WASF3: variants seen among roughly 807,000 people sequenced by gnomAD.
WASF3 encodes WASP family member 3.
Under a neutral mutation model 46.6 loss-of-function variants are expected in WASF3, and 11 were observed. The ratio of observed to expected loss-of-function variants is 0.24; its 90% CI spans 0.15 to 0.39. The LOEUF (loss-of-function observed/expected upper bound fraction) is 0.39, where lower values mean the gene tolerates loss of function less well. WASF3 is among the 10% of genes least tolerant of loss of function. The pLI, the probability that WASF3 is intolerant of heterozygous loss-of-function variation, is 1.00. For missense variants in WASF3, 576 were observed against 669.8 expected (o/e 0.86, Z 1.55); for synonymous variants, 242 against 259.7 (o/e 0.93, Z 0.65).
Position 26,684,274 on chromosome 13 carries a change from C to CT in WASF3, c.1351+1312dup, listed in dbSNP as rs1268119748. Among the ~76,000 whole-genome samples the CT allele has an allele frequency of 1.5e-3, 217 of 143,944 alleles. 1 individual carries two copies. The highest frequency in any genetic ancestry group is 3.4e-3 in the African/African-American group (133 of 39,456). 94.4% of individuals were successfully genotyped at this position (143,944 alleles called of 152,430 possible). A position where few individuals can be genotyped will look rare whatever the true frequency, so the allele number is the denominator to read the frequency against. On this transcript the variant is annotated intron_variant, in intron 9 of 9. Transcript: ENST00000335327. ...CATTGTAGGACGGTGTTGGATTTGC[C>CT]TTTTTTTTTTTTAACACCTTATAAG...
rs191286054 is a variant in WASF3 at position 26,608,280 on chromosome 13, C to T, written c.-108-4681C>T. ...GGAAGAGAAAGAAAATATTATCTTA[C>T]GATTCTTGTATTTAGATCTGTGGTA... On this transcript the variant is annotated intron_variant, in intron 1 of 9. Coordinates refer to ENST00000335327, the MANE Select transcript of WASF3 (RefSeq NM_006646.6). Among the ~76,000 whole-genome samples, 274 of 152,154 alleles carry T rather than the reference C, an allele frequency of 1.8e-3. 3 individuals carry two copies. The highest frequency in any genetic ancestry group is 6.4e-3 in the African/African-American group (267 of 41,510).
intron 1 of WASF3, among the ~76,000 whole-genome samples, chr13:26,566,027 T>C (rs1879454775): frequency 6.6e-6 from 1 of 152,228 alleles, no homozygotes; most frequent in African/African-American, 2.4e-5. Flanking sequence ...TGCGTTACAT[T>C]AAGCTATAAT....
At chr13:26,571,914 G>T (rs1445694056) in intron 1 of WASF3, among the ~76,000 whole-genome samples, 1 of 152,130 alleles carries the variant, frequency 6.6e-6, no homozygotes, top group Non-Finnish European at 1.5e-5. Context: ...TCTTTGTATA[G>T]GTTTTGAACA....
chr13:26,613,976 C>T (rs1263379596), intron 2 of WASF3, among the ~76,000 whole-genome samples: 1 of 152,174 alleles, frequency 6.6e-6, no homozygotes, highest in East Asian at 1.9e-4. Context: ...CTTTGAGCTT[C>T]ACTTTCCTCA....
At chr13:26,672,217 C>T (rs775140720) in intron 6 of WASF3, among the ~76,000 whole-genome samples, 1 of 152,158 alleles carries the variant, frequency 6.6e-6, no homozygotes, top group Non-Finnish European at 1.5e-5. Context: ...AAAAGTAGTT[C>T]CTAAACTTTG....
intron 1 of WASF3, among the ~76,000 whole-genome samples, chr13:26,567,040 G>T (rs749525374): frequency 6.6e-6 from 1 of 152,232 alleles, no homozygotes; most frequent in Admixed American, 6.5e-5. Flanking sequence ...GATGTGCTCA[G>T]TGGCATTCAT....
At chr13:26,584,611 G>A (rs565839) in intron 1 of WASF3, among the ~76,000 whole-genome samples, 2 of 152,156 alleles carry the variant, frequency 1.3e-5, no homozygotes, top group Non-Finnish European at 2.9e-5. Flanking sequence ...TTGTAATTAC[G>A]AGGTAAAAGA....
intron 1 of WASF3, among the ~76,000 whole-genome samples, chr13:26,562,585 T>A (rs1225015811): frequency 6.6e-6 from 1 of 152,126 alleles, no homozygotes; most frequent in Admixed American, 6.5e-5. Context: ...GTTTAAATGC[T>A]GGTAAAGAAC....
chr13:26,604,170 C>T (rs17448629), intron 1 of WASF3, among the ~76,000 whole-genome samples: 7,717 of 152,272 alleles, frequency 0.051, 262 homozygotes, highest in South Asian at 0.1. Context: ...TTCCATTAGA[C>T]TGTTTCCTAA....
chr13:26,653,236 C>T (rs1882367552), intron 3 of WASF3, among the ~76,000 whole-genome samples: 1 of 152,044 alleles, frequency 6.6e-6, no homozygotes, highest in African/African-American at 2.4e-5. Flanking sequence ...ATACATGTAC[C>T]TTCTTTCTTC....
intron 2 of WASF3, among the ~76,000 whole-genome samples, chr13:26,618,605 C>T (rs1881213092): frequency 6.6e-6 from 1 of 151,762 alleles, no homozygotes; most frequent in Admixed American, 6.6e-5. Flanking sequence ...TTGGAGGACA[C>T]TCCATATATA....
chr13:26,683,647 AAG>A (rs1335064487), intron 9 of WASF3, among the ~76,000 whole-genome samples: 3 of 152,084 alleles, frequency 2.0e-5, no homozygotes, highest in Admixed American at 6.5e-5. Flanking sequence ...AAAAAAAAAA[AAG>A]AGTTTGTGCT....
chr13:26,541,772 T>C, the WASF3 span, among the ~76,000 whole-genome samples: 1 of 151,958 alleles, frequency 6.6e-6, no homozygotes, highest in Non-Finnish European at 1.5e-5. Context: ...CATGAGCCAC[T>C]GTGCCTGGCC....
At chr13:26,661,912 A>G (rs1214830344) in intron 3 of WASF3, among the ~76,000 whole-genome samples, 10 of 152,186 alleles carry the variant, frequency 6.6e-5, no homozygotes. Context: ...TAGGTAAAGC[A>G]CTTGGGCTTT....
chr13:26,567,940 C>T (rs570143686), intron 1 of WASF3, among the ~76,000 whole-genome samples: 15 of 151,854 alleles, frequency 9.9e-5, no homozygotes, highest in African/African-American at 2.7e-4. Flanking sequence ...GAGATACAAA[C>T]GAAAGTGAAG....
At chr13:26,560,201 A>G (rs1019351353) in intron 1 of WASF3, among the ~76,000 whole-genome samples, 5 of 152,062 alleles carry the variant, frequency 3.3e-5, no homozygotes, top group African/African-American at 4.8e-5. Flanking sequence ...GCTCTTGGGC[A>G]TGTGGAACTA....
chr13:26,641,821 G>A (rs1032162560), intron 2 of WASF3: 1 of 152,200 alleles, frequency 6.6e-6, no homozygotes, highest in Admixed American at 6.6e-5. Context: ...AGACTCGGAG[G>A]GTCAATTTCT....
At chr13:26,588,377 C>A (rs1356438006) in intron 1 of WASF3, among the ~76,000 whole-genome samples, 1 of 152,110 alleles carries the variant, frequency 6.6e-6, no homozygotes, top group African/African-American at 2.4e-5. Flanking sequence ...ACAACATGAC[C>A]AGACCAAATC....
intron 1 of WASF3, among the ~76,000 whole-genome samples, chr13:26,575,001 TA>T (rs1246053868): frequency 1.3e-5 from 2 of 152,080 alleles, no homozygotes; most frequent in Non-Finnish European, 2.9e-5. Context: ...CACGCCCGGC[TA>T]ATTTTTTGTA....
Sources: gnomAD v4.1 joint callset for allele counts (sites outside exome capture counted in the v4.1 genomes callset) on GRCh38, gnomAD v4.1.1 for gene constraint, MANE v1.5 for transcripts, NCBI Gene and HGNC (gene_info 2026-07-23, HGNC 2026-07-21) for gene names.